The following CNTN6 variants were observed in gnomAD, a reference collection of about 807,000 sequenced individuals.
CNTN6 encodes the protein contactin 6.
A neutral mutation model predicts 122.8 loss-of-function variants in CNTN6; 137 were observed. The observed-to-expected ratio is 1.12, with a 90% confidence interval of 0.97 to 1.29. The LOEUF (loss-of-function observed/expected upper bound fraction) is 1.29, where lower values mean the gene tolerates loss of function less well. Among genes scored for constraint, CNTN6 ranks in the 50% most tolerant of loss-of-function variants. The pLI is 0.00. For missense variants in CNTN6, 1,634 were observed against 1,223.4 expected, an observed-to-expected ratio of 1.34 and a Z score of -5.01; for synonymous variants, 570 against 426.0, an observed-to-expected ratio of 1.34 and a Z score of -4.16.
chr3:1,235,333 G>T (rs2094407591), intron 4 of CNTN6, among the ~76,000 whole-genome samples: 1 of 151,992 alleles, frequency 6.6e-6, no homozygotes, highest in African/African-American at 2.4e-5. Flanking sequence ...CTGTTTCAAG[G>T]AATTTATGAA....
chr3:1,395,254 T>G (rs1204626396), intron 20 of CNTN6, among the ~76,000 whole-genome samples: 2 of 152,216 alleles, frequency 1.3e-5, no homozygotes, highest in Admixed American at 1.3e-4. Context: ...ATTATTCTAT[T>G]AATGGCCTTA....
At chr3:1,245,056 G>T (rs1352443640) in intron 4 of CNTN6, among the ~76,000 whole-genome samples, 56 of 148,554 alleles carry the variant, frequency 3.8e-4, no homozygotes, top group South Asian at 1.7e-3. Flanking sequence ...AAGTTACAGG[G>T]GATGCGATGG....
chr3:1,288,064 C>G (rs1450496705), intron 5 of CNTN6, among the ~76,000 whole-genome samples: 1 of 152,194 alleles, frequency 6.6e-6, no homozygotes, highest in Non-Finnish European at 1.5e-5. Context: ...AGGCTGAACC[C>G]CAGTTTTGGG....
At chr3:1,139,401 A>G (rs960810616) in intron 1 of CNTN6, among the ~76,000 whole-genome samples, 4 of 152,112 alleles carry the variant, frequency 2.6e-5, no homozygotes, top group African/African-American at 9.7e-5. Flanking sequence ...TCTTGCTTCT[A>G]GAGGACAAAA....
At chr3:1,356,874 A>C (rs1187494574) in intron 12 of CNTN6, among the ~76,000 whole-genome samples, 1 of 151,858 alleles carries the variant, frequency 6.6e-6, no homozygotes, top group African/African-American at 2.4e-5. Flanking sequence ...TCCAATATTG[A>C]AAGTGATGCT....
intron 7 of CNTN6, among the ~76,000 whole-genome samples, chr3:1,299,620 G>A (rs1354663341): frequency 6.6e-6 from 1 of 152,154 alleles, no homozygotes; most frequent in African/African-American, 2.4e-5. Context: ...AGCTCAGATT[G>A]GAGAAGTAAC....
intron 7 of CNTN6, among the ~76,000 whole-genome samples, chr3:1,313,326 G>T (rs1171351051): frequency 6.6e-6 from 1 of 151,988 alleles, no homozygotes; most frequent in African/African-American, 2.4e-5. Flanking sequence ...ACATTAAAAG[G>T]AGTAGAAATT....
intron 20 of CNTN6, among the ~76,000 whole-genome samples, chr3:1,390,060 C>T (rs1230293375): frequency 6.6e-6 from 1 of 151,978 alleles, no homozygotes; most frequent in Non-Finnish European, 1.5e-5. Context: ...CCAAGTGGAC[C>T]TAATAGACAT....
intron 11 of CNTN6, among the ~76,000 whole-genome samples, chr3:1,336,161 TTAAAA>T (rs1703032804): frequency 6.6e-6 from 1 of 151,356 alleles, no homozygotes; most frequent in South Asian, 2.1e-4. Context: ...CCCAGATTTC[TTAAAA>T]TCAAATAAAT....
At chr3:1,377,161 T>C in intron 17 of CNTN6, 86 bp downstream of exon 17, 1 of 938,726 alleles carries the variant, frequency 1.1e-6, no homozygotes. Flanking sequence ...ATTTATTTGA[T>C]CACTATTGAG....
chr3:1,115,737 G>A (rs1281047890), intron 1 of CNTN6, among the ~76,000 whole-genome samples: 1 of 151,630 alleles, frequency 6.6e-6, no homozygotes, highest in Non-Finnish European at 1.5e-5. Context: ...GGGCAACAGG[G>A]TGATACTCTG....
At position 1,255,660 on chromosome 3, in the gene CNTN6, T is replaced by C. The variant is rs903414676; in HGVS notation, c.359-22753T>C. Among the ~76,000 whole-genome samples the C allele has an allele frequency of 6.6e-5, 10 of 152,158 alleles. No homozygotes were observed. In the East Asian group the frequency reaches 1.9e-3, roughly 29 times the overall value. ...ACATGATTTAATCGATTATATATAA[T>C]CTAAGTTTAAAATTATTTTTATTAT... On this transcript the variant is annotated intron_variant, in intron 4 of 22. Transcript: ENST00000446702.
intron 1 of CNTN6, among the ~76,000 whole-genome samples, chr3:1,128,721 C>G (rs2092249041): frequency 6.6e-6 from 1 of 151,888 alleles, no homozygotes; most frequent in South Asian, 2.1e-4. Flanking sequence ...CCTGCAGATG[C>G]ATATATTTAT....
At chr3:1,300,382 C>G (rs1696999254) in intron 7 of CNTN6, among the ~76,000 whole-genome samples, 1 of 151,500 alleles carries the variant, frequency 6.6e-6, no homozygotes, top group African/African-American at 2.4e-5. Context: ...TTTCCCAGCC[C>G]AGTCCTGTTC....
intron 20 of CNTN6, chr3:1,401,150 ATAAAG>A (rs1466182265): frequency 6.2e-6 from 2 of 321,274 alleles, no homozygotes; most frequent in East Asian, 8.7e-5. Context: ...TTTATATATG[ATAAAG>A]TAAACAAACT....
At chr3:1,396,071 ACTTCT>A (rs1387070087) in intron 20 of CNTN6, among the ~76,000 whole-genome samples, 6 of 152,160 alleles carry the variant, frequency 3.9e-5, no homozygotes, top group Non-Finnish European at 8.8e-5. Flanking sequence ...ATGCCGTCAT[ACTTCT>A]CTTCTCTTCA....
Position 1,403,477 on chromosome 3 carries a change from T to C in CNTN6, c.*59T>C. Reference sequence around the variant, plus strand: ...AAAGCAAATCATTCTGTATATATGCTCTCCAGCCTCTGACACAAGATGCGT... The same window carrying C: ...AAAGCAAATCATTCTGTATATATGCCCTCCAGCCTCTGACACAAGATGCGT... On this transcript the variant is annotated 3_prime_UTR_variant, in exon 23 of 23. Transcript: ENST00000446702. 9.7e-7 allele frequency: 1 copy of C among 1,029,014 alleles called. No individual in the cohort carries two copies. Among genetic ancestry groups the C allele is most frequent in the Non-Finnish European group, 1.5e-6 (1 of 673,006 alleles). The allele number at this position is 1,029,014 out of a possible 1,614,324, so 63.7% of individuals were successfully genotyped here. A position where few individuals can be genotyped will look rare whatever the true frequency, so the allele number is the denominator to read the frequency against.
intron 4 of CNTN6, among the ~76,000 whole-genome samples, chr3:1,249,960 T>C (rs766590434): frequency 6.6e-6 from 1 of 152,202 alleles, no homozygotes; most frequent in Non-Finnish European, 1.5e-5. Context: ...TTTTTGTTTT[T>C]TGTTTTTGTA....
chr3:1,305,783 T>C (rs1698262832), intron 7 of CNTN6, among the ~76,000 whole-genome samples: 2 of 152,210 alleles, frequency 1.3e-5, no homozygotes, highest in African/African-American at 4.8e-5. Context: ...CAGAGGACTA[T>C]ATTTATGTGT....
Sources: gnomAD v4.1 joint callset for allele counts (sites outside exome capture counted in the v4.1 genomes callset) on GRCh38, gnomAD v4.1.1 for gene constraint, MANE v1.5 for transcripts, NCBI Gene and HGNC (gene_info 2026-07-23, HGNC 2026-07-21) for gene names.